RNF39: variants seen among roughly 807,000 people sequenced by gnomAD.
RNF39 encodes the protein ring finger protein 39.
A neutral mutation model predicts 29.2 loss-of-function variants in RNF39; 25 were observed. The ratio of observed to expected loss-of-function variants is 0.86; its 90% CI spans 0.62 to 1.20. RNF39 has a LOEUF of 1.20. Among genes scored for constraint, RNF39 ranks in the 50% most tolerant of loss-of-function variants. RNF39 has a pLI of 0.00. For synonymous variants in RNF39, 219 were observed against 229.0 expected (o/e 0.96, Z 0.40); for missense variants, 519 against 515.0 (o/e 1.01, Z -0.08).
At position 30,072,546 on chromosome 6, in the gene RNF39, G is replaced by A. The variant is rs114923177; in HGVS notation, c.478+611C>T. Among the ~76,000 whole-genome samples, 2 of 152,056 alleles carry A rather than the reference G, an allele frequency of 1.3e-5. No homozygotes were observed. The highest frequency in any genetic ancestry group is 2.4e-5 in the African/African-American group (1 of 41,388). On this transcript the variant is annotated intron_variant, in intron 3 of 3. Coordinates refer to ENST00000244360, the MANE Select transcript of RNF39 (RefSeq NM_025236.4). This position sits in a 1 kb window ranked among gnomAD's most constrained non-coding sequence, Gnocchi z 4.5. ...TGGTGGAAGCAGAGATTTTTGAGAG[G>A]CACCTAACCTTCAGGGATCTGTTGT...
Position 30,070,872 on chromosome 6 carries a change from G to C in RNF39, c.*239C>G. 1.4e-6 allele frequency: 1 copy of C among 698,124 alleles called. No individual in the cohort carries two copies. Among genetic ancestry groups the C allele is most frequent in the South Asian group, 1.5e-5 (1 of 66,716 alleles). 43.2% of individuals were successfully genotyped at this position (698,124 alleles called of 1,614,324 possible). ...GGAGAAGTCAGGAAGTACTGTAGTA[G>C]CTGTAGGGGAGAGAAGATTCTGAGA... is the stretch of plus-strand genomic sequence containing the variant. On this transcript the variant is annotated 3_prime_UTR_variant, in exon 4 of 4. Coordinates refer to ENST00000244360, the MANE Select transcript of RNF39 (RefSeq NM_025236.4).
At position 30,071,610 on chromosome 6, in the gene RNF39, G is replaced by A; in HGVS notation, c.560C>T (p.Pro187Leu). The change falls in exon 4 of 4, where the codon CCA (proline) becomes CTA (leucine). Residue 187 changes from proline to leucine, a missense_variant. Transcript: ENST00000244360. This position sits in a 1 kb window ranked among gnomAD's most constrained non-coding sequence, Gnocchi z 5.0. The part of the protein sequence containing the change: ...ADRRSVQLAP[P>L]GTPAPPDGPK... ...GCCGTCAGGGGGCGCGGGCGTCCCT[G>A]GTGGGGCCAGTTGTACGCTGCGGCG... 7 of 1,461,366 alleles carry A rather than the reference G, an allele frequency of 4.8e-6. No homozygotes were observed. Among genetic ancestry groups the A allele is most frequent in the Non-Finnish European group, 6.3e-6 (7 of 1,112,660 alleles). The allele number at this position is 1,461,366 out of a possible 1,614,324, so 90.5% of individuals were successfully genotyped here.
rs758025828 is a variant in RNF39, at chr6:30,075,266, C to A, written c.320G>T (p.Gly107Val). 5 of 1,599,448 alleles carry A rather than the reference C, an allele frequency of 3.1e-6. No homozygotes were observed. Among genetic ancestry groups the A allele is most frequent in the South Asian group, 1.1e-5 (1 of 89,386 alleles). ...GCAGCCCATGGTGGGGATGCGCCCC[C>A]CTCGGCGTCTCCCCGCACGGGCCCC... Reference protein sequence around the residue: ...EPGARAGRRRGGRIPTMGCLD... With the variant: ...EPGARAGRRRVGRIPTMGCLD... The change falls in exon 1 of 4, where the codon GGG (glycine) becomes GTG (valine). Residue 107 changes from glycine (G) to valine (V), a missense_variant. By Grantham distance (109) the Gly-to-Val change is moderately radical (BLOSUM62 -3). Transcript: ENST00000244360.
At position 30,073,204 on chromosome 6, in the gene RNF39, A is replaced by G. The variant is rs756631873; in HGVS notation, c.431T>C (p.Leu144Pro). 87 of 1,612,758 alleles carry G rather than the reference A, an allele frequency of 5.4e-5. No individual in the cohort carries two copies. Among genetic ancestry groups the G allele is most frequent in the Non-Finnish European group, 7.1e-5 (84 of 1,178,872 alleles). The stretch of plus-strand genomic sequence containing the variant: ...TTTGACCACTGGATAATCTTCAGGG[A>G]GATCATCCTCTGAATTAGATGACTT... The part of the protein sequence containing the change: ...TSKSSNSEDD[L>P]PEDYPVVKKM... The change falls in exon 3 of 4, where the codon CTC (leucine) becomes CCC (proline). Residue 144 changes from leucine to proline, a missense_variant. Leu to Pro is a moderately conservative substitution (Grantham distance 98). Coordinates refer to ENST00000244360, the MANE Select transcript of RNF39 (RefSeq NM_025236.4).
chr6:30,073,628 G>C (rs1766172947), intron 1 of RNF39, 150 bp from the exon 2 acceptor site: 7 of 766,572 alleles, frequency 9.1e-6, no homozygotes, highest in Non-Finnish European at 1.5e-5. Flanking sequence ...TTTACACACT[G>C]TGCTCCTTTC....
rs1198985321 is a variant in RNF39 at position 30,071,051 on chromosome 6, A to AC, written c.*59dup. 12 of 1,327,268 alleles carry AC rather than the reference A, an allele frequency of 9.0e-6. No homozygotes were observed. Among genetic ancestry groups the AC allele is most frequent in the Non-Finnish European group, 1.3e-5 (12 of 942,796 alleles). 82.2% of individuals were successfully genotyped at this position (1,327,268 alleles called of 1,614,324 possible). ...TTCCCAGAAATGAGTGGGGAATTCCACCCCCAAAAAGCAGCTGCAGGGCCA... is the reference window on the plus strand; with the variant it reads ...TTCCCAGAAATGAGTGGGGAATTCCACCCCCCAAAAAGCAGCTGCAGGGCCA... On this transcript the variant is annotated 3_prime_UTR_variant, in exon 4 of 4. Transcript: ENST00000244360. This position sits in a 1 kb window ranked among gnomAD's most constrained non-coding sequence, Gnocchi z 5.0.
In RNF39 at chr6:30,071,380, C is replaced by A; in HGVS notation, c.790G>T (p.Gly264Trp). 1 of 1,471,640 alleles carries A rather than the reference C, an allele frequency of 6.8e-7. No individual in the cohort carries two copies. Among genetic ancestry groups the A allele is most frequent in the Non-Finnish European group, 8.9e-7 (1 of 1,120,488 alleles). 91.2% of individuals were successfully genotyped at this position (1,471,640 alleles called of 1,614,324 possible). ...CGGCCCTCCACGGCCCACACGGCCC[C>A]CGCAGGGCACAGCCTTACGCAGCCC... ...RKGCVRLCPA[G>W]AVWAVEGRGG... is the part of the protein sequence containing the mutation. Residue 264 changes from glycine to tryptophan, a missense_variant, in exon 4 of 4, where the codon GGG becomes TGG. Transcript: ENST00000244360. The surrounding 1 kb of genome is among the most constrained non-coding windows in gnomAD (Gnocchi z 5.0).
chr6:30,072,620 C>G lies in RNF39; in HGVS notation c.478+537G>C, dbSNP rs77966269. Among the ~76,000 whole-genome samples, 1 of 151,908 alleles carries G rather than the reference C, an allele frequency of 6.6e-6. No individual in the cohort carries two copies. Among genetic ancestry groups the G allele is most frequent in the African/African-American group, 2.4e-5 (1 of 41,298 alleles). Reference sequence around the variant, plus strand: ...GGAAAATGGCTGGAATATGAGGAATCGAGGATAGACATTGTTATAGGCTGA... The same window carrying G: ...GGAAAATGGCTGGAATATGAGGAATGGAGGATAGACATTGTTATAGGCTGA... On this transcript the variant is annotated intron_variant, in intron 3 of 3. Transcript: ENST00000244360. This position sits in a 1 kb window ranked among gnomAD's most constrained non-coding sequence, Gnocchi z 4.5.
In RNF39 at chr6:30,070,582, G is replaced by T; in HGVS notation, c.*529C>A. On this transcript the variant is annotated 3_prime_UTR_variant, in exon 4 of 4. Coordinates refer to ENST00000244360, the MANE Select transcript of RNF39 (RefSeq NM_025236.4). ...TTGTCCCTCCCCACCCCCAGATCCT[G>T]CAAAAGAGGTACAAAGCTTCCCAGA... 3.1e-6 allele frequency: 1 copy of T among 318,934 alleles called. No individual in the cohort carries two copies. Among genetic ancestry groups the T allele is most frequent in the Non-Finnish European group, 6.2e-6 (1 of 160,756 alleles). 19.8% of individuals were successfully genotyped at this position (318,934 alleles called of 1,614,324 possible).
intron 1 of RNF39, 56 bp downstream of exon 1, chr6:30,075,167 T>C: frequency 6.7e-7 from 1 of 1,486,006 alleles, no homozygotes; most frequent in Non-Finnish European, 9.0e-7. Context: ...CATTCCCGGC[T>C]TCCCCGGGAA....
Position 30,070,920 on chromosome 6 carries a change from G to C in RNF39, c.*191C>G, listed in dbSNP as rs1765891349. 2 of 707,588 alleles carry C rather than the reference G, an allele frequency of 2.8e-6. No homozygotes were observed. The highest frequency in any genetic ancestry group is 5.4e-5 in the East Asian group (2 of 37,274). 43.8% of individuals were successfully genotyped at this position (707,588 alleles called of 1,614,324 possible). ...AGAGCCAGAAGGCAGGAATGGATTT[G>C]GTTTTGAGCAGGGACGTGGAAACGT... On this transcript the variant is annotated 3_prime_UTR_variant, in exon 4 of 4. Transcript: ENST00000244360.
chr6:30,075,528 A>C lies in RNF39; in HGVS notation c.58T>G (p.Cys20Gly). The C allele has an allele frequency of 6.3e-7, 1 of 1,584,448 alleles. No homozygotes were observed. The highest frequency in any genetic ancestry group is 8.6e-7 in the Non-Finnish European group (1 of 1,167,436). ...LVERLEQLAT[C>G]PLCGGSFEDP... ...TCGAAGGAGCCCCCGCACAGAGGAC[A>C]CGTCGCCAGCTGCTCCAGACGCTCC... The change falls in exon 1 of 4, where the codon TGT becomes GGT. Residue 20 changes from cysteine to glycine, a missense_variant. By Grantham distance (159) the Cys-to-Gly change is radical. Transcript: ENST00000244360.
Position 30,070,747 on chromosome 6 carries a change from G to T in RNF39, c.*364C>A, listed in dbSNP as rs377074918. 2 of 503,516 alleles carry T rather than the reference G, an allele frequency of 4.0e-6. No homozygotes were observed. Among genetic ancestry groups the T allele is most frequent in the Non-Finnish European group, 7.8e-6 (2 of 257,794 alleles). The allele number at this position is 503,516 out of a possible 1,614,324, so 31.2% of individuals were successfully genotyped here. On this transcript the variant is annotated 3_prime_UTR_variant, in exon 4 of 4. Coordinates refer to ENST00000244360, the MANE Select transcript of RNF39 (RefSeq NM_025236.4). ...TAGGAGTGGCAAGAGTGGGAGTCAA[G>T]TATTTGACCAGCAGAGCCTCTATGT...
In RNF39 at chr6:30,070,783, G is replaced by T. The variant is rs1314456189; in HGVS notation, c.*328C>A. On this transcript the variant is annotated 3_prime_UTR_variant, in exon 4 of 4. Coordinates refer to ENST00000244360, the MANE Select transcript of RNF39 (RefSeq NM_025236.4). The stretch of plus-strand genomic sequence containing the variant: ...GCAGAGCCTCTATGTAGGAATCATG[G>T]TCACTTTACCAATACTGATGGGGAG... 2 of 587,278 alleles carry T rather than the reference G, an allele frequency of 3.4e-6. No individual in the cohort carries two copies. The highest frequency in any genetic ancestry group is 3.0e-5 in the South Asian group (2 of 65,736). The allele number at this position is 587,278 out of a possible 1,614,324, so 36.4% of individuals were successfully genotyped here.
rs1227404831 is a variant in RNF39, at chr6:30,071,547, G to A, written c.623C>T (p.Ala208Val). Residue 208 changes from alanine to valine, a missense_variant, in exon 4 of 4, where the codon GCG becomes GTG. Transcript: ENST00000244360. This position sits in a 1 kb window ranked among gnomAD's most constrained non-coding sequence, Gnocchi z 5.0. ...GTGGCGGCCGGCCCCGAAGCCCTGC[G>A]CACCCAGCACAGCTGGGAGCTGATC... ...RFDQLPAVLG[A>V]QGFGAGRHCW... The A allele has an allele frequency of 6.6e-7, 1 of 1,516,156 alleles. No individual in the cohort carries two copies. 93.9% of individuals were successfully genotyped at this position (1,516,156 alleles called of 1,614,324 possible).
chr6:30,071,588 G>C lies in RNF39; in HGVS notation c.582C>G (p.Asp194Glu), dbSNP rs964583031. Residue 194 changes from aspartate to glutamate, a missense_variant, in exon 4 of 4, where the codon GAC becomes GAG. Physicochemically the swap from Asp to Glu is conservative, Grantham distance 45. Coordinates refer to ENST00000244360, the MANE Select transcript of RNF39 (RefSeq NM_025236.4). This position sits in a 1 kb window ranked among gnomAD's most constrained non-coding sequence, Gnocchi z 5.0. ...GGAGCTGATCGAAGCGCTTGGGGCC[G>C]TCAGGGGGCGCGGGCGTCCCTGGTG... Reference protein sequence around the residue: ...LAPPGTPAPPDGPKRFDQLPA... With the variant: ...LAPPGTPAPPEGPKRFDQLPA... 5 of 1,470,596 alleles carry C rather than the reference G, an allele frequency of 3.4e-6. No homozygotes were observed. Among genetic ancestry groups the C allele is most frequent in the Non-Finnish European group, 4.5e-6 (5 of 1,118,120 alleles). The allele number at this position is 1,470,596 out of a possible 1,614,324, so 91.1% of individuals were successfully genotyped here.
chr6:30,073,608 A>T, intron 1 of RNF39, 130 bp from the exon 2 acceptor site: 1 of 904,590 alleles, frequency 1.1e-6, no homozygotes, highest in Non-Finnish European at 1.7e-6. Flanking sequence ...TTTCAGAGTG[A>T]TCTCACCTCT....
rs763542278 is a variant in RNF39 at position 30,075,556 on chromosome 6, C to T, written c.30G>A (p.Leu10=). The T allele has an allele frequency of 6.2e-7, 1 of 1,602,578 alleles. No homozygotes were observed. The highest frequency in any genetic ancestry group is 8.5e-7 in the Non-Finnish European group (1 of 1,176,950). ...TCGCCAGCTGCTCCAGACGCTCCAC[C>T]AGCCCCGGGCCCAGCTCGGGCGCAT... MDAPELGPG[L]VERLEQLATC... The change falls in exon 1 of 4, where the codon CTG becomes CTA. Residue 10 remains leucine, a synonymous_variant. Transcript: ENST00000244360.
rs2127320310 is a variant in RNF39 at position 30,072,655 on chromosome 6, TC to T, written c.478+501del. Among the ~76,000 whole-genome samples, 1 of 148,924 alleles carries T rather than the reference TC, an allele frequency of 6.7e-6. No individual in the cohort carries two copies. Among genetic ancestry groups the T allele is most frequent in the African/African-American group, 2.5e-5 (1 of 39,266 alleles). On this transcript the variant is annotated intron_variant, in intron 3 of 3. Coordinates refer to ENST00000244360, the MANE Select transcript of RNF39 (RefSeq NM_025236.4). The surrounding 1 kb of genome is among the most constrained non-coding windows in gnomAD (Gnocchi z 4.5). ...CATTGTTATAGGCTGAACTGTGCCCTCCCCCACTCCACACACACACACAAAG... is the reference window on the plus strand; with the variant it reads ...CATTGTTATAGGCTGAACTGTGCCCTCCCCACTCCACACACACACACAAAG...
Sources: gnomAD v4.1 joint callset for allele counts (sites outside exome capture counted in the v4.1 genomes callset) on GRCh38, gnomAD v4.1.1 for gene constraint, Gnocchi (gnomAD v3.1) non-coding constraint, MANE v1.5 for transcripts, NCBI Gene and HGNC (gene_info 2026-07-23, HGNC 2026-07-21) for gene names.